PRKG1: variants seen among roughly 807,000 people sequenced by gnomAD.
The protein encoded by PRKG1 is cGMP-dependent protein kinase 1.
A neutral mutation model predicts 88.1 loss-of-function variants in PRKG1; 35 were observed. The ratio of observed to expected loss-of-function variants is 0.40; its 90% CI spans 0.30 to 0.53. PRKG1 has a LOEUF of 0.53. Ranked by LOEUF, PRKG1 falls within the 20% of genes least tolerant of loss-of-function variation. The pLI is 0.59. For missense variants in PRKG1, 540 were observed against 839.8 expected, an observed-to-expected ratio of 0.64 and a Z score of 4.41; for synonymous variants, 303 against 292.5, an observed-to-expected ratio of 1.04 and a Z score of -0.37.
chr10:51,419,494 A>AT, intron 2 of PRKG1, among the ~76,000 whole-genome samples: 1 of 152,160 alleles, frequency 6.6e-6, no homozygotes, highest in Non-Finnish European at 1.5e-5. Context: ...GGGCTAATCA[A>AT]TTTTTTCCTG....
intron 1 of PRKG1, among the ~76,000 whole-genome samples, chr10:51,113,365 A>T (rs947500984): frequency 3.3e-5 from 5 of 152,178 alleles, no homozygotes; most frequent in African/African-American, 1.2e-4. Context: ...TCAATTGAGC[A>T]TAAGGGTGGC....
chr10:51,386,718 A>T (rs1480432570), intron 2 of PRKG1, among the ~76,000 whole-genome samples: 3 of 152,164 alleles, frequency 2.0e-5, no homozygotes, highest in Admixed American at 2.0e-4. Flanking sequence ...AAAATGTTTG[A>T]TCAATTGTCT....
chr10:51,907,678 A>T (rs144366964), intron 5 of PRKG1, 108 bp downstream of exon 5: 26 of 1,004,840 alleles, frequency 2.6e-5, no homozygotes, highest in Admixed American at 9.2e-5. Context: ...ATCTTTAAAA[A>T]ATTTCTAAGC....
At chr10:51,366,270 A>C (rs1842588530) in intron 2 of PRKG1, among the ~76,000 whole-genome samples, 1 of 151,916 alleles carries the variant, frequency 6.6e-6, no homozygotes, top group African/African-American at 2.4e-5. Context: ...TTTGTCTTTC[A>C]GTTTTTCCTA....
At chr10:51,685,051 A>G (rs1840952241) in intron 3 of PRKG1, among the ~76,000 whole-genome samples, 1 of 152,086 alleles carries the variant, frequency 6.6e-6, no homozygotes, top group Non-Finnish European at 1.5e-5. Flanking sequence ...GATTTCATAA[A>G]TTTTTCACTG....
chr10:51,169,517 T>C (rs1846639974), intron 2 of PRKG1, among the ~76,000 whole-genome samples: 1 of 152,162 alleles, frequency 6.6e-6, no homozygotes, highest in Non-Finnish European at 1.5e-5. Flanking sequence ...ACAACTTTCT[T>C]CTTTCTTCTC....
chr10:51,133,458 T>G (rs1430505926), intron 1 of PRKG1, among the ~76,000 whole-genome samples: 1 of 152,188 alleles, frequency 6.6e-6, no homozygotes, highest in Non-Finnish European at 1.5e-5. Flanking sequence ...AGGTGTTGTT[T>G]TCATGCTCAT....
chr10:52,288,694 A>G (rs754745416), intron 14 of PRKG1, 32 bp from the exon 15 acceptor site: 3 of 1,546,018 alleles, frequency 1.9e-6, no homozygotes, highest in Non-Finnish European at 2.6e-6. Context: ...AAATAAAAGT[A>G]ATATCTCTTG....
intron 3 of PRKG1, among the ~76,000 whole-genome samples, chr10:51,629,965 C>T (rs1453400055): frequency 1.3e-5 from 2 of 152,168 alleles, no homozygotes; most frequent in African/African-American, 4.8e-5. Flanking sequence ...TCCAGTTTGG[C>T]TTTGATTGCG....
At chr10:51,093,680 G>GTA (rs1365005003) in intron 1 of PRKG1, among the ~76,000 whole-genome samples, 12 of 144,856 alleles carry the variant, frequency 8.3e-5, no homozygotes, top group Admixed American at 1.4e-4. Context: ...ATGTATGTGT[G>GTA]TATATATATA....
rs776134753 is a variant in PRKG1, at chr10:50,991,426, G to C, written c.48G>C (p.Glu16Asp). The C allele has an allele frequency of 6.3e-7, 1 of 1,585,304 alleles. No homozygotes were observed. The highest frequency in any genetic ancestry group is 8.6e-7 in the Non-Finnish European group (1 of 1,166,468). Residue 16 changes from glutamate (E) to aspartate (D), a missense_variant, in exon 1 of 18, where the codon GAG (glutamate) becomes GAC (aspartate). Physicochemically the swap from Glu to Asp is conservative, Grantham distance 45 (BLOSUM62 2). Transcript: ENST00000401604. This position sits in a 1 kb window ranked among gnomAD's most constrained non-coding sequence, Gnocchi z 4.5. ...TTGCCAAGATTCTCATGCTCAAGGA[G>C]GAGAGGATCAAAGAGCTGGAGAAGC...
rs1256820584 is a variant in PRKG1 at position 51,493,060 on chromosome 10, T to TAGA, written c.592+25228_592+25230dup. ...GCTCCCATTTCCATTTACCTAGTAG[T>TAGA]AGAAGACTTTAACAAGGTTATATCC... is the stretch of plus-strand genomic sequence containing the variant. On this transcript the variant is annotated intron_variant, in intron 3 of 17. Coordinates refer to ENST00000373980, the MANE Select transcript of PRKG1 (RefSeq NM_006258.4). 2.6e-5 allele frequency among the ~76,000 whole-genome samples: 4 copies of TAGA among 152,112 alleles called. 1 individual carries two copies. The highest frequency in any genetic ancestry group is 2.0e-4 in the Admixed American group (3 of 15,252).
chr10:51,052,377 G>A (rs1768024431), intron 1 of PRKG1, among the ~76,000 whole-genome samples: 1 of 152,126 alleles, frequency 6.6e-6, no homozygotes, highest in African/African-American at 2.4e-5. Flanking sequence ...ATGTTGTGCA[G>A]GCTTTCCCAT....
chr10:51,306,792 T>G (rs1314585149), intron 2 of PRKG1: 2 of 152,196 alleles, frequency 1.3e-5, no homozygotes, highest in Non-Finnish European at 2.9e-5. Context: ...GTTCATTTAC[T>G]TACATTGCCA....
chr10:51,408,368 C>T (rs137926188), intron 2 of PRKG1, among the ~76,000 whole-genome samples: 129 of 152,232 alleles, frequency 8.5e-4, no homozygotes, highest in Non-Finnish European at 1.6e-3. Flanking sequence ...CTTCTTTAGC[C>T]GTAAAGTGAG....
At chr10:51,130,259 C>A (rs1232955805) in intron 1 of PRKG1, among the ~76,000 whole-genome samples, 1 of 152,120 alleles carries the variant, frequency 6.6e-6, no homozygotes, top group African/African-American at 2.4e-5. Context: ...AATATTTTCC[C>A]AGCCTCTATT....
intron 4 of PRKG1, among the ~76,000 whole-genome samples, chr10:51,830,688 A>G (rs1839984794): frequency 6.6e-6 from 1 of 150,444 alleles, no homozygotes; most frequent in South Asian, 2.1e-4. Flanking sequence ...CAGCCTCCTG[A>G]GTAGCTGGGA....
chr10:52,122,386 A>G (rs112751146), intron 7 of PRKG1, among the ~76,000 whole-genome samples: 8 of 152,174 alleles, frequency 5.3e-5, no homozygotes, highest in African/African-American at 1.9e-4. Context: ...ATTCTGGGGG[A>G]TACGTTCAAA....
intron 2 of PRKG1, among the ~76,000 whole-genome samples, chr10:51,294,988 G>C (rs187786552): frequency 2.6e-5 from 4 of 152,006 alleles, no homozygotes; most frequent in African/African-American, 9.7e-5. Flanking sequence ...GAGACTGAGG[G>C]GGGAGGATTG....
Sources: gnomAD v4.1 joint callset for allele counts (sites outside exome capture counted in the v4.1 genomes callset) on GRCh38, gnomAD v4.1.1 for gene constraint, Gnocchi (gnomAD v3.1) non-coding constraint, MANE v1.5 for transcripts, NCBI Gene and HGNC (gene_info 2026-07-23, HGNC 2026-07-21) for gene names.